Variants in DPP8 observed in about 807,000 individuals in gnomAD.
The protein encoded by DPP8 is DPP VIII.
In DPP8, 31 loss-of-function variants were observed where a neutral mutation model predicts 107.5. The ratio of observed to expected loss-of-function variants is 0.29; its 90% CI spans 0.22 to 0.39. DPP8 has a LOEUF of 0.39. Ranked by LOEUF, DPP8 falls within the 10% of genes least tolerant of loss-of-function variation. The pLI is 1.00. For synonymous variants in DPP8, 381 were observed against 356.6 expected (o/e 1.07, Z -0.77); for missense variants, 842 against 1,076.1 (o/e 0.78, Z 3.04).
At chr15:65,475,567 A>T in intron 11 of DPP8, 1 of 1,231,738 alleles carries the variant, frequency 8.1e-7, no homozygotes, top group Non-Finnish European at 1.2e-6. Context: ...CTGAATTAGG[A>T]CTGGCTTGAC....
At chr15:65,490,425 G>C in intron 5 of DPP8, 126 bp from the exon 6 acceptor site, 1 of 685,044 alleles carries the variant, frequency 1.5e-6, no homozygotes, top group South Asian at 1.6e-5. Flanking sequence ...TGAACGGACT[G>C]AGTTCAAATC....
At chr15:65,475,539 G>T in intron 11 of DPP8, 1 of 1,326,752 alleles carries the variant, frequency 7.5e-7, no homozygotes, top group Non-Finnish European at 1.1e-6. Context: ...CCAGCCCGGT[G>T]CAATCCATCC....
intron 1 of DPP8, chr15:65,515,647 G>A (rs1035695001): frequency 6.2e-7 from 1 of 1,613,296 alleles, no homozygotes; most frequent in Non-Finnish European, 8.5e-7. Context: ...TAGTTTCCCT[G>A]GTGCCTACCT....
intron 6 of DPP8, among the ~76,000 whole-genome samples, chr15:65,489,035 A>G (rs1178883649): frequency 4.6e-5 from 7 of 152,166 alleles, no homozygotes; most frequent in Admixed American, 4.6e-4. Flanking sequence ...ATCTCAGCTC[A>G]CTGCAATCTC....
intron 5 of DPP8, among the ~76,000 whole-genome samples, chr15:65,492,011 C>T (rs1228703431): frequency 6.6e-6 from 1 of 151,172 alleles, no homozygotes; most frequent in African/African-American, 2.4e-5. Flanking sequence ...GGATTACAGG[C>T]GTGAGCCACC....
intron 8 of DPP8, among the ~76,000 whole-genome samples, chr15:65,484,443 A>G (rs1473006921): frequency 6.6e-6 from 1 of 151,954 alleles, no homozygotes; most frequent in East Asian, 1.9e-4. Flanking sequence ...GCCTGTGGTG[A>G]TGGTTGCAAA....
At chr15:65,514,519 T>C (rs1456930277) in intron 1 of DPP8, among the ~76,000 whole-genome samples, 1 of 152,128 alleles carries the variant, frequency 6.6e-6, no homozygotes, top group Admixed American at 6.5e-5. Context: ...CTGTTTTTGT[T>C]TTGTTTTGAG....
At chr15:65,499,370 C>CTGTA (rs1325853698) in intron 4 of DPP8, among the ~76,000 whole-genome samples, 3 of 151,860 alleles carry the variant, frequency 2.0e-5, no homozygotes, top group Non-Finnish European at 4.4e-5. Flanking sequence ...GTAGCTAGGA[C>CTGTA]TACAGGTGCG....
chr15:65,487,737 G>A lies in DPP8; in HGVS notation c.908C>T (p.Pro303Leu), dbSNP rs1184918415. The change falls in exon 7 of 20, where the codon CCT (proline) becomes CTT (leucine). Residue 303 changes from proline (P) to leucine (L), a missense_variant. Physicochemically the swap from Pro to Leu is moderately conservative, Grantham distance 98. Coordinates refer to ENST00000300141, the MANE Select transcript of DPP8 (RefSeq NM_130434.5). ...ATCTGCCCTCCTTGTTTCCAACATA[G>A]GGGATGTAACATGAATAATTTCCAC... ...SEVEIIHVTSPMLETRRADSF... is the reference protein window; with the variant it reads ...SEVEIIHVTSLMLETRRADSF... 6.2e-7 allele frequency: 1 copy of A among 1,608,770 alleles called. No individual in the cohort carries two copies. Among genetic ancestry groups the A allele is most frequent in the Non-Finnish European group, 8.5e-7 (1 of 1,176,204 alleles).
chr15:65,478,231 A>G (rs1020171565), intron 11 of DPP8, among the ~76,000 whole-genome samples: 1 of 152,228 alleles, frequency 6.6e-6, no homozygotes, highest in African/African-American at 2.4e-5. Flanking sequence ...AAAATATCTA[A>G]TAATTACATA....
intron 11 of DPP8, among the ~76,000 whole-genome samples, chr15:65,477,960 T>G (rs968990242): frequency 6.6e-6 from 1 of 152,188 alleles, no homozygotes; most frequent in Admixed American, 6.5e-5. Flanking sequence ...AGTTGAGAAC[T>G]GTAACTCGGT....
chr15:65,490,204 G>A lies in DPP8; in HGVS notation c.811C>T (p.Pro271Ser). 1.3e-6 allele frequency: 2 copies of A among 1,599,196 alleles called. No homozygotes were observed. The highest frequency in any genetic ancestry group is 1.7e-6 in the Non-Finnish European group (2 of 1,166,716). The change falls in exon 6 of 20, where the codon CCA becomes TCA. Residue 271 changes from proline (P) to serine (S), a missense_variant. Physicochemically the swap from Pro to Ser is moderately conservative, Grantham distance 74. Around this residue, in one of 2 missense-constraint regions of DPP8, gnomAD observed 663 missense variants for 758.0 expected, o/e 0.87. Coordinates refer to ENST00000300141, the MANE Select transcript of DPP8 (RefSeq NM_130434.5). ...FDRYSGYWWC[P>S]KAETTPSGGK... The stretch of plus-strand genomic sequence containing the variant: ...ACCCCCTTACTTGTTTCAGCTTTTG[G>A]ACACCACCAATAGCCAGAATATCTA...
chr15:65,486,213 C>CA (rs2067416086), intron 7 of DPP8, among the ~76,000 whole-genome samples: 1 of 151,014 alleles, frequency 6.6e-6, no homozygotes, highest in Admixed American at 6.6e-5. Context: ...ACCAGCCTGG[C>CA]CAACATGGTG....
chr15:65,491,071 T>A (rs2067980009), intron 5 of DPP8, among the ~76,000 whole-genome samples: 1 of 144,698 alleles, frequency 6.9e-6, no homozygotes, highest in South Asian at 2.1e-4. Context: ...GGCAGGAGAA[T>A]CGCTTGAACC....
At chr15:65,488,296 T>C (rs1231486477) in intron 6 of DPP8, among the ~76,000 whole-genome samples, 1 of 152,130 alleles carries the variant, frequency 6.6e-6, no homozygotes, top group Non-Finnish European at 1.5e-5. Context: ...CTTAAAAGTA[T>C]TTTTCAGGGT....
chr15:65,516,253 G>A (rs1331486526), intron 1 of DPP8: 1 of 154,806 alleles, frequency 6.5e-6, no homozygotes, highest in Non-Finnish European at 1.4e-5. Context: ...AAGAGTTACA[G>A]GCCATTTTTG....
At chr15:65,503,448 T>TA (rs2069499512) in intron 3 of DPP8, among the ~76,000 whole-genome samples, 1 of 145,498 alleles carries the variant, frequency 6.9e-6, no homozygotes, top group Admixed American at 6.9e-5. Context: ...CTTTCTTTTC[T>TA]TTTTTTTTTT....
At chr15:65,508,066 T>C (rs999865304) in intron 2 of DPP8, among the ~76,000 whole-genome samples, 1 of 151,432 alleles carries the variant, frequency 6.6e-6, no homozygotes, top group Non-Finnish European at 1.5e-5. Flanking sequence ...GATGAAACCT[T>C]GTCTGTACTA....
intron 11 of DPP8, among the ~76,000 whole-genome samples, chr15:65,476,265 C>A (rs540425229): frequency 7.5e-4 from 114 of 151,642 alleles, no homozygotes; most frequent in African/African-American, 2.7e-3. Context: ...TCGAAGAGCA[C>A]AAAAAAATTA....
Sources: allele counts gnomAD v4.1 joint callset (sites outside exome capture counted in the v4.1 genomes callset), GRCh38; gene constraint gnomAD v4.1.1; regional missense constraint gnomAD v4.1.1; transcripts MANE v1.5; gene names NCBI Gene and HGNC (gene_info 2026-07-23, HGNC 2026-07-21).